The following ACOX1 variants were observed in gnomAD, a reference collection of about 807,000 sequenced individuals.
The protein encoded by ACOX1 is peroxisomal acyl-coenzyme A oxidase 1.
Under a neutral mutation model 75.5 loss-of-function variants are expected in ACOX1, and 41 were observed. The ratio of observed to expected loss-of-function variants is 0.54; its 90% CI spans 0.42 to 0.70. The LOEUF (loss-of-function observed/expected upper bound fraction) is 0.70, where lower values mean the gene tolerates loss of function less well. Among genes scored for constraint, ACOX1 ranks in the 30% least tolerant of loss-of-function variants. ACOX1 has a pLI of 0.00. For missense variants in ACOX1, 630 were observed against 837.5 expected (o/e 0.75, Z 3.06); for synonymous variants, 303 against 298.8 (o/e 1.01, Z -0.15).
At position 75,967,635 on chromosome 17, in the gene ACOX1, C is replaced by CATAT. The variant is rs113768541; in HGVS notation, c.270-7264_270-7261dup. ...ATATACATACATATATATATACATA[C>CATAT]ATATATATACGTATATATATACATA... is the stretch of plus-strand genomic sequence containing the variant. On this transcript the variant is annotated intron_variant, in intron 2 of 13. Coordinates refer to ENST00000293217, the MANE Select transcript of ACOX1 (RefSeq NM_004035.7). 3.8e-4 allele frequency among the ~76,000 whole-genome samples: 42 copies of CATAT among 111,464 alleles called. 1 individual carries two copies. Among genetic ancestry groups the CATAT allele is most frequent in the African/African-American group, 1.5e-3 (39 of 25,268 alleles). The allele number at this position is 111,464 out of a possible 152,430, so 73.1% of individuals were successfully genotyped here.
intron 6 of ACOX1, among the ~76,000 whole-genome samples, chr17:75,954,112 G>A (rs966957211): frequency 4.6e-5 from 7 of 151,844 alleles, no homozygotes; most frequent in African/African-American, 1.7e-4. Context: ...AGCTACTCAG[G>A]AGCTGAGACA....
At chr17:75,977,149 C>T (rs2066058923) in intron 2 of ACOX1, among the ~76,000 whole-genome samples, 1 of 151,310 alleles carries the variant, frequency 6.6e-6, no homozygotes, top group Admixed American at 6.6e-5. Context: ...AGAAGCGCAC[C>T]ACCAGGCCCG....
rs1160255851 is a variant in ACOX1 at position 75,943,410 on chromosome 17, C to T, written c.*3338G>A. 3 of 152,056 alleles carry T rather than the reference C, an allele frequency of 2.0e-5. No individual in the cohort carries two copies. The highest frequency in any genetic ancestry group is 2.9e-5 in the Non-Finnish European group (2 of 68,068). The allele number at this position is 152,056 out of a possible 1,614,324, so 9.4% of individuals were successfully genotyped here. On this transcript the variant is annotated 3_prime_UTR_variant, in exon 14 of 14. Transcript: ENST00000293217. Reference sequence around the variant, plus strand: ...AATTAGCCAGGTGTGGTGGTGTGCACCAGTAATCCCAGCTTCTCAGAGGAG... The same window carrying T: ...AATTAGCCAGGTGTGGTGGTGTGCATCAGTAATCCCAGCTTCTCAGAGGAG...
Position 75,950,010 on chromosome 17 carries a change from G to A in ACOX1, c.1299-113C>T. ...GATGGAGTGCAATGGCCAGATCTCAGCTCACTGCAACCTCCTCCTCTTGGG... is the reference window on the plus strand; with the variant it reads ...GATGGAGTGCAATGGCCAGATCTCAACTCACTGCAACCTCCTCCTCTTGGG... On this transcript the variant is annotated intron_variant, in intron 9 of 13. Coordinates refer to ENST00000293217, the MANE Select transcript of ACOX1 (RefSeq NM_004035.7). The surrounding 1 kb of genome is among the most constrained non-coding windows in gnomAD (Gnocchi z 4.3). 1 of 1,142,372 alleles carries A rather than the reference G, an allele frequency of 8.8e-7. No homozygotes were observed. Among genetic ancestry groups the A allele is most frequent in the Non-Finnish European group, 1.3e-6 (1 of 784,136 alleles). The allele number at this position is 1,142,372 out of a possible 1,614,324, so 70.8% of individuals were successfully genotyped here.
At chr17:75,954,520 C>CAA (rs1166502215) in intron 6 of ACOX1, among the ~76,000 whole-genome samples, 4 of 57,618 alleles carry the variant, frequency 6.9e-5, no homozygotes, top group Non-Finnish European at 9.7e-5. Flanking sequence ...CTCTCTCTCT[C>CAA]AAAAAAAAAA....
intron 7 of ACOX1, among the ~76,000 whole-genome samples, chr17:75,951,808 CT>C (rs1029666749): frequency 0.077 from 6,009 of 77,560 alleles, 29 homozygotes; most frequent in African/African-American, 0.18. Flanking sequence ...TAAATTGAGG[CT>C]TTTTTTTTTT....
In ACOX1 at chr17:75,945,309, C is replaced by T. The variant is rs946640843; in HGVS notation, c.*1439G>A. 9.2e-5 allele frequency: 14 copies of T among 152,266 alleles called. 1 individual carries two copies. The highest frequency in any genetic ancestry group is 7.8e-4 in the Admixed American group (12 of 15,290). The allele number at this position is 152,266 out of a possible 1,614,324, so 9.4% of individuals were successfully genotyped here. A position where few individuals can be genotyped will look rare whatever the true frequency, so the allele number is the denominator to read the frequency against. ...TCAGGATAGACTCAAGTGAGATTAACACAGGGTTAATCTTCAATCTTAACA... is the reference window on the plus strand; with the variant it reads ...TCAGGATAGACTCAAGTGAGATTAATACAGGGTTAATCTTCAATCTTAACA... On this transcript the variant is annotated 3_prime_UTR_variant, in exon 14 of 14. Coordinates refer to ENST00000293217, the MANE Select transcript of ACOX1 (RefSeq NM_004035.7).
chr17:75,970,124 T>G (rs1214573408), intron 2 of ACOX1, among the ~76,000 whole-genome samples: 1 of 137,292 alleles, frequency 7.3e-6, no homozygotes, highest in East Asian at 2.0e-4. Flanking sequence ...GAGGTGGAGG[T>G]TGCAGTGAGC....
intron 2 of ACOX1, among the ~76,000 whole-genome samples, chr17:75,972,752 A>G (rs1162549408): frequency 6.6e-6 from 1 of 152,278 alleles, no homozygotes; most frequent in South Asian, 2.1e-4. Context: ...AGTGTTTAGT[A>G]AAGTGTCTGG....
rs1199045083 is a variant in ACOX1, at chr17:75,950,856, C to G, written c.1216G>C (p.Gly406Arg). Residue 406 changes from glycine (G) to arginine (R), a missense_variant, in exon 9 of 14, where the codon GGT becomes CGT. Gly to Arg is a moderately radical substitution (Grantham distance 125). Transcript: ENST00000293217. This position sits in a 1 kb window ranked among gnomAD's most constrained non-coding sequence, Gnocchi z 4.3. ...AAATTGACATAAATATTTGGAAGACCACTGCAATGAGAATAGCCATGCCCA... is the reference window on the plus strand; with the variant it reads ...AAATTGACATAAATATTTGGAAGACGACTGCAATGAGAATAGCCATGCCCA... ...CGGHGYSHCS[G>R]LPNIYVNFTP... The G allele has an allele frequency of 1.2e-6, 2 of 1,614,094 alleles. No individual in the cohort carries two copies. The highest frequency in any genetic ancestry group is 1.7e-6 in the Non-Finnish European group (2 of 1,180,016).
chr17:75,951,808 CTTTTTTT>C (rs1029666749), intron 7 of ACOX1, among the ~76,000 whole-genome samples: 3 of 77,428 alleles, frequency 3.9e-5, no homozygotes, highest in Non-Finnish European at 6.7e-5. Context: ...TAAATTGAGG[CTTTTTTT>C]TTTTTTTTTT....
intron 7 of ACOX1, among the ~76,000 whole-genome samples, chr17:75,951,808 CTTTTTTTT>C (rs1029666749): frequency 1.3e-5 from 1 of 77,460 alleles, no homozygotes; most frequent in African/African-American, 5.6e-5. Flanking sequence ...TAAATTGAGG[CTTTTTTTT>C]TTTTTTTTTT....
At chr17:75,971,598 C>T (rs139545598) in intron 2 of ACOX1, among the ~76,000 whole-genome samples, 1 of 151,882 alleles carries the variant, frequency 6.6e-6, no homozygotes, top group African/African-American at 2.4e-5. Context: ...CAAAATTAGC[C>T]GGGCATGGTG....
At chr17:75,958,382 A>G (rs1338718677) in intron 3 of ACOX1, among the ~76,000 whole-genome samples, 2 of 138,272 alleles carry the variant, frequency 1.4e-5, no homozygotes, top group Non-Finnish European at 3.1e-5. Flanking sequence ...AAAGAAAAAG[A>G]AAAAGGCCAG....
At chr17:75,953,724 G>A in intron 6 of ACOX1, 104 bp from the exon 7 acceptor site, 1 of 1,358,348 alleles carries the variant, frequency 7.4e-7, no homozygotes, top group Non-Finnish European at 1.0e-6. Flanking sequence ...AGCATCACCT[G>A]GCAACTTGCA....
chr17:75,967,014 G>A (rs2065938528), intron 2 of ACOX1, among the ~76,000 whole-genome samples: 2 of 150,528 alleles, frequency 1.3e-5, no homozygotes, highest in African/African-American at 4.9e-5. Flanking sequence ...CGGAAGCTGC[G>A]CCACTGCACC....
chr17:75,976,287 G>A (rs1339129357), intron 2 of ACOX1, among the ~76,000 whole-genome samples: 4 of 152,042 alleles, frequency 2.6e-5, no homozygotes, highest in East Asian at 1.9e-4. Flanking sequence ...TCTTTAACCC[G>A]CATAAAAGAC....
chr17:75,974,761 G>T (rs527896902), intron 2 of ACOX1, among the ~76,000 whole-genome samples: 1 of 152,036 alleles, frequency 6.6e-6, no homozygotes, highest in Non-Finnish European at 1.5e-5. Context: ...AGCCGGGCGC[G>T]GTGGCTCACG....
intron 2 of ACOX1, chr17:75,973,771 T>A: frequency 6.2e-7 from 1 of 1,614,098 alleles, no homozygotes; most frequent in African/African-American, 1.3e-5. Context: ...TTCCACAAAA[T>A]TGACCAAATG....
Sources: gnomAD v4.1 joint callset for allele counts (sites outside exome capture counted in the v4.1 genomes callset) on GRCh38, gnomAD v4.1.1 for gene constraint, Gnocchi (gnomAD v3.1) non-coding constraint, MANE v1.5 for transcripts, NCBI Gene and HGNC (gene_info 2026-07-23, HGNC 2026-07-21) for gene names.